Variants in MYRFL observed in about 807,000 individuals in gnomAD.
The protein encoded by MYRFL is myelin regulatory factor like.
MYRFL carries 88 observed loss-of-function variants against 109.4 expected under a neutral mutation model. The observed-to-expected ratio is 0.80, with a 90% confidence interval of 0.68 to 0.96. The LOEUF (loss-of-function observed/expected upper bound fraction) is 0.96, where lower values mean the gene tolerates loss of function less well. Ranked by LOEUF, MYRFL falls within the 40% of genes least tolerant of loss-of-function variation. The pLI, the probability that MYRFL is intolerant of heterozygous loss-of-function variation, is 0.00. For synonymous variants in MYRFL, 324 were observed against 320.9 expected (o/e 1.01, Z -0.10); for missense variants, 957 against 954.9 (o/e 1.00, Z -0.03).
At chr12:69,934,934 G>A (rs996364242) in intron 16 of MYRFL, among the ~76,000 whole-genome samples, 2 of 152,198 alleles carry the variant, frequency 1.3e-5, no homozygotes, top group Non-Finnish European at 2.9e-5. Flanking sequence ...TCTGGGCTGT[G>A]GGTTTCAGGC....
chr12:69,898,432 A>G (rs1187544315), intron 10 of MYRFL, among the ~76,000 whole-genome samples: 1 of 152,218 alleles, frequency 6.6e-6, no homozygotes, highest in Non-Finnish European at 1.5e-5. Flanking sequence ...CATAACATGC[A>G]GCAAATGAGG....
intron 2 of MYRFL, among the ~76,000 whole-genome samples, chr12:69,862,564 G>A (rs1320488695): frequency 1.3e-5 from 2 of 149,932 alleles, no homozygotes; most frequent in Non-Finnish European, 3.0e-5. Context: ...TGTTGTTGGT[G>A]TATAAGAATG....
rs958576425 is a variant in MYRFL at position 69,890,973 on chromosome 12, C to T, written c.710C>T (p.Pro237Leu). Residue 237 changes from proline (P) to leucine (L), a missense_variant and splice_region_variant, in exon 7 of 25, where the codon CCT becomes CTT. Transcript: ENST00000552032. ...SLLNSHYEKL[P>L]DVGYRVVTDK... ...TTTCTTGGTTTCTCTTTTCATAGAC[C>T]TGATGTGGGCTATCGAGTTGTAACA... The T allele has an allele frequency of 1.3e-6, 2 of 1,488,986 alleles. No individual in the cohort carries two copies. Among genetic ancestry groups the T allele is most frequent in the African/African-American group, 1.4e-5 (1 of 71,018 alleles). 92.2% of individuals were successfully genotyped at this position (1,488,986 alleles called of 1,614,324 possible).
intron 1 of MYRFL, among the ~76,000 whole-genome samples, chr12:69,833,957 T>A (rs1882788054): frequency 6.6e-6 from 1 of 151,816 alleles, no homozygotes; most frequent in Non-Finnish European, 1.5e-5. Flanking sequence ...AGATGAGGTG[T>A]TAGTGGTAAA....
intron 19 of MYRFL, 78 bp downstream of exon 19, chr12:69,936,710 C>T: frequency 1.6e-6 from 2 of 1,277,752 alleles, no homozygotes. Flanking sequence ...CTTAGATGGT[C>T]ATTAATGGTT....
intron 1 of MYRFL, among the ~76,000 whole-genome samples, chr12:69,846,520 A>G (rs1883557299): frequency 6.6e-6 from 1 of 152,144 alleles, no homozygotes; most frequent in Admixed American, 6.5e-5. Flanking sequence ...TACAAAGGAC[A>G]TGAACTCATC....
At chr12:69,902,688 T>G (rs1218864048) in intron 10 of MYRFL, among the ~76,000 whole-genome samples, 1 of 152,228 alleles carries the variant, frequency 6.6e-6, no homozygotes, top group Non-Finnish European at 1.5e-5. Flanking sequence ...AATTTTGTTG[T>G]GAGGATTTTG....
intron 19 of MYRFL, among the ~76,000 whole-genome samples, chr12:69,940,386 G>A (rs940463496): frequency 4.0e-5 from 6 of 150,732 alleles, no homozygotes; most frequent in Non-Finnish European, 7.4e-5. Context: ...GAAGAGAGTG[G>A]GGGCCAATAT....
chr12:69,937,534 G>A (rs1452785501), intron 19 of MYRFL, among the ~76,000 whole-genome samples: 2 of 152,166 alleles, frequency 1.3e-5, no homozygotes, highest in Non-Finnish European at 2.9e-5. Context: ...TATTTCCACA[G>A]TCTCCGTAGT....
intron 2 of MYRFL, among the ~76,000 whole-genome samples, chr12:69,869,563 T>C (rs866906778): frequency 9.6e-4 from 146 of 152,334 alleles, no homozygotes; most frequent in African/African-American, 3.4e-3. Flanking sequence ...CATGGTCATA[T>C]GTAGTTTAAC....
intron 5 of MYRFL, among the ~76,000 whole-genome samples, chr12:69,883,997 C>T (rs1886295899): frequency 6.6e-6 from 1 of 152,076 alleles, no homozygotes; most frequent in Non-Finnish European, 1.5e-5. Flanking sequence ...AGTGGTCAGT[C>T]TTGGGGAGGA....
chr12:69,866,381 A>G (rs1322116876), intron 2 of MYRFL, among the ~76,000 whole-genome samples: 1 of 152,150 alleles, frequency 6.6e-6, no homozygotes, highest in East Asian at 1.9e-4. Context: ...CCATGACCGC[A>G]GGGACACTGG....
chr12:69,826,349 C>T (rs779243236), intron 1 of MYRFL, among the ~76,000 whole-genome samples: 16 of 152,052 alleles, frequency 1.1e-4, no homozygotes, highest in Admixed American at 3.3e-4. Context: ...CTACCTGGGT[C>T]ATGCTTGGCA....
chr12:69,836,691 C>T (rs1161648173), intron 1 of MYRFL, among the ~76,000 whole-genome samples: 1 of 152,162 alleles, frequency 6.6e-6, no homozygotes, highest in Non-Finnish European at 1.5e-5. Flanking sequence ...CTGCCATTAG[C>T]TCCTTTTATC....
chr12:69,870,220 C>G (rs1885273019), intron 2 of MYRFL, among the ~76,000 whole-genome samples: 1 of 104,982 alleles, frequency 9.5e-6, no homozygotes. Context: ...GCAAGCACGT[C>G]TGGCTAATTT....
At chr12:69,831,701 G>A (rs773583561) in intron 1 of MYRFL, among the ~76,000 whole-genome samples, 18 of 152,062 alleles carry the variant, frequency 1.2e-4, no homozygotes, top group African/African-American at 2.7e-4. Flanking sequence ...TATTTTCTCC[G>A]TTTAGCATCA....
intron 19 of MYRFL, among the ~76,000 whole-genome samples, chr12:69,939,417 C>T (rs1301332095): frequency 1.3e-5 from 2 of 152,284 alleles, no homozygotes; most frequent in African/African-American, 4.8e-5. Context: ...GGGAGGCACC[C>T]TCCAGCAGGG....
intron 1 of MYRFL, among the ~76,000 whole-genome samples, chr12:69,830,120 G>C (rs1882537366): frequency 6.6e-6 from 1 of 152,016 alleles, no homozygotes; most frequent in African/African-American, 2.4e-5. Context: ...TGTATTCAAA[G>C]TGCTTTCATA....
chr12:69,885,783 C>A (rs1886411043), intron 5 of MYRFL, among the ~76,000 whole-genome samples: 1 of 152,256 alleles, frequency 6.6e-6, no homozygotes, highest in East Asian at 1.9e-4. Context: ...TGGCAGTTTT[C>A]TACAGTTGAT....
Sources: allele counts gnomAD v4.1 joint callset (sites outside exome capture counted in the v4.1 genomes callset), GRCh38; gene constraint gnomAD v4.1.1; transcripts MANE v1.5; gene names NCBI Gene and HGNC (gene_info 2026-07-23, HGNC 2026-07-21).